The following ANKRD36C variants were observed in gnomAD, a reference collection of about 807,000 sequenced individuals.
ANKRD36C encodes ankyrin repeat domain 36C, also known as ankyrin repeat domain-containing protein 36C.
Under a neutral mutation model 276.4 loss-of-function variants are expected in ANKRD36C, and 61 were observed. The observed-to-expected ratio is 0.22, with a 90% CI of 0.18 to 0.27. ANKRD36C has a LOEUF of 0.27. Among genes scored for constraint, ANKRD36C ranks in the 10% least tolerant of loss-of-function variants. The pLI is 1.00. For synonymous variants in ANKRD36C, 483 were observed against 680.1 expected, an observed-to-expected ratio of 0.71 and a Z score of 4.51; for missense variants, 1,447 against 2,032.3, an observed-to-expected ratio of 0.71 and a Z score of 5.54.
chr2:95,895,614 A>C (rs1206114444), intron 44 of ANKRD36C, 24 bp from the exon 61 acceptor site: 1 of 1,562,670 alleles, frequency 6.4e-7, no homozygotes, highest in African/African-American at 1.4e-5. Context: ...GGGATACATA[A>C]TCACTCACAT....
Position 95,923,356 on chromosome 2 carries a change from A to T in ANKRD36C, c.2143+139T>A, listed in dbSNP as rs1224275216. ...CCAGCAGCATCAGCGTCACCCGAGAACTTATTACAAATGAAGAATCTCCGG... is the reference window on the plus strand; with the variant it reads ...CCAGCAGCATCAGCGTCACCCGAGATCTTATTACAAATGAAGAATCTCCGG... On this transcript the variant is annotated intron_variant, in intron 32 of 66. Coordinates refer to ENST00000456556, the Ensembl canonical transcript of ANKRD36C. The T allele has an allele frequency of 3.4e-6, 4 of 1,177,220 alleles. No individual in the cohort carries two copies. In the East Asian group the frequency reaches 1.0e-4, roughly 30 times the overall value. The allele number at this position is 1,177,220 out of a possible 1,614,324, so 72.9% of individuals were successfully genotyped here.
At chr2:95,961,742 T>C (rs1678465663) in intron 8 of ANKRD36C, among the ~76,000 whole-genome samples, 1 of 152,070 alleles carries the variant, frequency 6.6e-6, no homozygotes, top group Admixed American at 6.6e-5. Context: ...CAATCTAGCC[T>C]GCTTCCAGTA....
At chr2:95,937,737 G>A (rs903330465) in intron 22 of ANKRD36C, among the ~76,000 whole-genome samples, 22 of 150,332 alleles carry the variant, frequency 1.5e-4, no homozygotes, top group African/African-American at 3.0e-4. Flanking sequence ...ATAACATGAT[G>A]GAAAAACATG....
At chr2:95,882,680 C>T (rs944904288) in intron 54 of ANKRD36C, among the ~76,000 whole-genome samples, 183 bp from the exon 75 acceptor site, 5 of 152,046 alleles carry the variant, frequency 3.3e-5, no homozygotes, top group Admixed American at 1.3e-4. Flanking sequence ...TAGGAATACA[C>T]GCTTCCAGAA....
At chr2:95,921,097 T>C (rs1677252024) in intron 34 of ANKRD36C, among the ~76,000 whole-genome samples, 1 of 150,664 alleles carries the variant, frequency 6.6e-6, no homozygotes, top group Non-Finnish European at 1.5e-5. Flanking sequence ...CCCTAAATTA[T>C]ATAAATAACT....
At chr2:95,923,372 G>C (rs1219859118) in intron 32 of ANKRD36C, 123 bp downstream of exon 32, 1 of 1,312,486 alleles carries the variant, frequency 7.6e-7, no homozygotes, top group Non-Finnish European at 1.1e-6. Context: ...TACAAATGAA[G>C]AATCTCCGGC....
chr2:95,948,577 G>A lies in ANKRD36C; in HGVS notation c.1315C>T (p.Arg439Cys), dbSNP rs575178290. The change falls in exon 17 of 67, where the codon CGT becomes TGT. Residue 439 changes from arginine (R) to cysteine (C), a missense_variant. Transcript: ENST00000456556. ...TCCTTTGTCACAGCCTGTGCAAAAC[G>A]GTCCAGTAGGTAGAGACACCTACAG... 51 of 1,528,540 alleles carry A rather than the reference G, an allele frequency of 3.3e-5. No individual in the cohort carries two copies. The Admixed American group carries it at 4.8e-4, about 14-fold the overall frequency. The allele number at this position is 1,528,540 out of a possible 1,614,324, so 94.7% of individuals were successfully genotyped here.
intron 38 of ANKRD36C, among the ~76,000 whole-genome samples, chr2:95,914,990 A>G (rs1243381294): frequency 6.6e-6 from 1 of 151,606 alleles, no homozygotes; most frequent in Non-Finnish European, 1.5e-5. Flanking sequence ...ATTAACCTCA[A>G]TAAAAATATC....
chr2:95,903,434 T>TA (rs1201610962), intron 42 of ANKRD36C, among the ~76,000 whole-genome samples: 1 of 150,848 alleles, frequency 6.6e-6, no homozygotes, highest in African/African-American at 2.4e-5. Context: ...AAGCAGGTGC[T>TA]ACATGATCCC....
chr2:95,948,586 G>C (rs1445223117), exon 17 of ANKRD36C: 5 of 1,534,610 alleles, frequency 3.3e-6, no homozygotes, highest in Admixed American at 2.0e-5. Flanking sequence ...CGGTCCAGTA[G>C]GTAGAGACAC....
chr2:95,896,913 G>A (rs1487386869), intron 44 of ANKRD36C, among the ~76,000 whole-genome samples: 10 of 148,484 alleles, frequency 6.7e-5, no homozygotes, highest in African/African-American at 9.9e-5. Flanking sequence ...TTTCTTGGCA[G>A]TACGATCTGA....
chr2:95,964,066 A>C (rs1678536664), intron 6 of ANKRD36C, among the ~76,000 whole-genome samples: 1 of 134,658 alleles, frequency 7.4e-6, no homozygotes, highest in Non-Finnish European at 1.6e-5. Flanking sequence ...TTTAGTACTC[A>C]AGATATACAT....
intron 59 of ANKRD36C, among the ~76,000 whole-genome samples, chr2:95,869,348 T>A (rs918094793): frequency 6.6e-6 from 1 of 152,108 alleles, no homozygotes; most frequent in Non-Finnish European, 1.5e-5. Flanking sequence ...TTCCCAAAAA[T>A]GAATTAGGAG....
At chr2:95,927,479 T>C (rs1438913035) in intron 26 of ANKRD36C, 70 bp from the exon 27 acceptor site, 2 of 1,596,722 alleles carry the variant, frequency 1.3e-6, no homozygotes, top group East Asian at 4.5e-5. Flanking sequence ...ATTCATGAAG[T>C]GTTAGCATCA....
chr2:95,880,133 T>C (rs1050196661), intron 58 of ANKRD36C, among the ~76,000 whole-genome samples: 41 of 148,494 alleles, frequency 2.8e-4, no homozygotes, highest in African/African-American at 9.4e-4. Context: ...TGAGTTACAA[T>C]TGAGCCATTG....
chr2:95,855,834 C>T, exon 63 of ANKRD36C: 3 of 1,613,876 alleles, frequency 1.9e-6, no homozygotes, highest in Non-Finnish European at 2.5e-6. Flanking sequence ...ATCATGATCA[C>T]ATAGAGCAGC....
chr2:95,859,733 T>C, intron 61 of ANKRD36C, 128 bp downstream of exon 81: 1 of 1,077,890 alleles, frequency 9.3e-7, no homozygotes, highest in East Asian at 2.6e-5. Context: ...AATTTCACAC[T>C]CCATAAGATT....
intron 59 of ANKRD36C, among the ~76,000 whole-genome samples, chr2:95,874,733 T>C (rs191903399): frequency 6.6e-6 from 1 of 152,092 alleles, no homozygotes; most frequent in African/African-American, 2.4e-5. Flanking sequence ...ACCATCAGAG[T>C]GAACAGGCAA....
chr2:95,914,434 G>C (rs1677031051), intron 38 of ANKRD36C, 131 bp from the exon 41 acceptor site: 4 of 1,200,026 alleles, frequency 3.3e-6, no homozygotes, highest in African/African-American at 1.5e-5. Flanking sequence ...CTTCTACTTT[G>C]TGTCTGGGGA....
Sources: allele counts gnomAD v4.1 joint callset (sites outside exome capture counted in the v4.1 genomes callset), GRCh38; gene constraint gnomAD v4.1.1; transcripts MANE v1.5; gene names NCBI Gene and HGNC (gene_info 2026-07-23, HGNC 2026-07-21).